Variants in GPHN observed in about 807,000 individuals in gnomAD.
GPHN encodes the protein gephyrin.
In GPHN, 17 loss-of-function variants were observed where a neutral mutation model predicts 95.5. The ratio of observed to expected loss-of-function variants is 0.18; its 90% CI spans 0.12 to 0.27. GPHN has a LOEUF of 0.27. GPHN is among the 10% of genes least tolerant of loss of function. The pLI, the probability that GPHN is intolerant of heterozygous loss-of-function variation, is 1.00. For missense variants in GPHN, 660 were observed against 978.1 expected (o/e 0.67, Z 4.34); for synonymous variants, 320 against 322.5 (o/e 0.99, Z 0.08).
intron 2 of GPHN, among the ~76,000 whole-genome samples, chr14:66,683,394 G>T (rs368700510): frequency 1.2e-5 from 1 of 84,528 alleles, no homozygotes; most frequent in Non-Finnish European, 1.9e-5. Flanking sequence ...ATATATATAT[G>T]TTCATATATA....
chr14:67,464,645 C>T, the GPHN span, among the ~76,000 whole-genome samples: 2 of 152,256 alleles, frequency 1.3e-5, no homozygotes, highest in African/African-American at 4.8e-5. Flanking sequence ...CACAGGGGGA[C>T]TGTCATCACG....
the GPHN span, among the ~76,000 whole-genome samples, chr14:67,603,174 A>T: frequency 6.6e-6 from 1 of 152,006 alleles, no homozygotes; most frequent in African/African-American, 2.4e-5. Context: ...GGCTAAAGAG[A>T]TCCTCCCACC....
the GPHN span, among the ~76,000 whole-genome samples, chr14:67,195,870 A>T: frequency 1.3e-5 from 2 of 151,976 alleles, no homozygotes; most frequent in Admixed American, 6.5e-5. Context: ...CAGCCTCCCA[A>T]GTGGGCCTAT....
intron 5 of GPHN, among the ~76,000 whole-genome samples, chr14:66,899,818 G>A (rs1482478675): frequency 6.6e-6 from 1 of 151,708 alleles, no homozygotes; most frequent in Non-Finnish European, 1.5e-5. Context: ...TTACTCTCTG[G>A]AAGAGTTTAT....
rs780524695 is a variant in GPHN at position 67,164,270 on chromosome 14, CAAAA to C, written c.1911-872_1911-869del. Among the ~76,000 whole-genome samples, 234 of 46,650 alleles carry C rather than the reference CAAAA, an allele frequency of 5.0e-3. 1 individual carries two copies. The highest frequency in any genetic ancestry group is 0.019 in the African/African-American group (217 of 11,518). The allele number at this position is 46,650 out of a possible 152,430, so 30.6% of individuals were successfully genotyped here. ...GCGACAAAGAGCAAAACTCCATCTC[CAAAA>C]AAAAAAAAAAAAAAAAAAACTGTTA... On this transcript the variant is annotated intron_variant, in intron 19 of 22. Transcript: ENST00000478722.
At chr14:67,373,451 A>G in the GPHN span, among the ~76,000 whole-genome samples, 1 of 152,260 alleles carries the variant, frequency 6.6e-6, no homozygotes, top group African/African-American at 2.4e-5. Flanking sequence ...AAAATTTGTC[A>G]CCCATTCATA....
the GPHN span, among the ~76,000 whole-genome samples, chr14:67,291,353 G>A: frequency 6.6e-6 from 1 of 151,618 alleles, no homozygotes; most frequent in Non-Finnish European, 1.5e-5. Flanking sequence ...CTCGCCTCCC[G>A]AGTAGCTGGG....
intron 1 of GPHN, among the ~76,000 whole-genome samples, chr14:66,567,995 GAAAATGTTTATAAGTGCACATTCA>G (rs1392447439): frequency 1.3e-5 from 2 of 152,178 alleles, no homozygotes; most frequent in Admixed American, 1.3e-4. Context: ...TAGTTAAGAA[GAAAATGTTTATAAGTGCACATTCA>G]AAACTGGATG....
intron 4 of GPHN, among the ~76,000 whole-genome samples, chr14:66,870,273 C>T (rs1325836268): frequency 2.6e-5 from 4 of 152,186 alleles, no homozygotes. Context: ...CAACTCACCA[C>T]CATCAGCATC....
chr14:66,794,911 G>GATTT (rs1731337666), intron 3 of GPHN, among the ~76,000 whole-genome samples: 1 of 152,052 alleles, frequency 6.6e-6, no homozygotes, highest in African/African-American at 2.4e-5. Context: ...TTTTTATGTG[G>GATTT]ATTTGTCTAT....
chr14:67,454,109 G>A, the GPHN span: 1 of 152,380 alleles, frequency 6.6e-6, no homozygotes, highest in Non-Finnish European at 1.5e-5. Context: ...GCAGGGTAGG[G>A]GGGTACTTAA....
chr14:67,714,264 T>C, the GPHN span, among the ~76,000 whole-genome samples: 11 of 152,064 alleles, frequency 7.2e-5, no homozygotes, highest in Non-Finnish European at 1.3e-4. Flanking sequence ...GCCTCTTGAG[T>C]AGCAGGGACT....
At chr14:67,062,616 A>G (rs113052617) in intron 11 of GPHN, among the ~76,000 whole-genome samples, 21 of 130,598 alleles carry the variant, frequency 1.6e-4, no homozygotes, top group African/African-American at 5.7e-4. Flanking sequence ...ATTTCAGAGT[A>G]TAGTACATGA....
At chr14:66,577,683 G>T (rs979595834) in intron 1 of GPHN, among the ~76,000 whole-genome samples, 3 of 152,104 alleles carry the variant, frequency 2.0e-5, no homozygotes, top group African/African-American at 7.2e-5. Context: ...TCTTCTAAAG[G>T]TGTTTTAGAG....
intron 1 of GPHN, among the ~76,000 whole-genome samples, chr14:66,560,204 G>C (rs1372108725): frequency 1.3e-5 from 2 of 152,060 alleles, no homozygotes; most frequent in Admixed American, 1.3e-4. Context: ...TTTGGCTTAG[G>C]ATTGACTTGG....
the GPHN span, among the ~76,000 whole-genome samples, chr14:67,417,951 G>T: frequency 2.6e-5 from 4 of 152,100 alleles, no homozygotes; most frequent in African/African-American, 9.7e-5. Flanking sequence ...TCCCTGTGTT[G>T]CCCAGGCTGG....
intron 2 of GPHN, among the ~76,000 whole-genome samples, chr14:66,729,528 A>G (rs757267965): frequency 3.3e-5 from 5 of 152,220 alleles, no homozygotes; most frequent in African/African-American, 7.2e-5. Flanking sequence ...CCTGAGGTAG[A>G]GGGAATTTAC....
chr14:67,406,184 A>C, the GPHN span, among the ~76,000 whole-genome samples: 2 of 151,218 alleles, frequency 1.3e-5, no homozygotes, highest in Admixed American at 6.6e-5. Context: ...ACTTGAACCC[A>C]GGAGGAGGAG....
At chr14:66,539,409 CTTTT>C (rs1000117893) in intron 1 of GPHN, among the ~76,000 whole-genome samples, 7 of 101,842 alleles carry the variant, frequency 6.9e-5, no homozygotes, top group African/African-American at 2.6e-4. Flanking sequence ...TTTCTACTTT[CTTTT>C]TTTTTTTTTT....
Sources: gnomAD v4.1 joint callset for allele counts (sites outside exome capture counted in the v4.1 genomes callset) on GRCh38, gnomAD v4.1.1 for gene constraint, MANE v1.5 for transcripts, NCBI Gene and HGNC (gene_info 2026-07-23, HGNC 2026-07-21) for gene names.